CDH18: variants seen among roughly 807,000 people sequenced by gnomAD.
The protein encoded by CDH18 is cadherin 18.
CDH18 carries 31 observed loss-of-function variants against 67.9 expected under a neutral mutation model. That is an observed-to-expected ratio of 0.46 (90% CI 0.34 to 0.62). The LOEUF (loss-of-function observed/expected upper bound fraction) is 0.62, where lower values mean the gene tolerates loss of function less well. Ranked by LOEUF, CDH18 falls within the 20% of genes least tolerant of loss-of-function variation. The pLI is 0.01. For synonymous variants in CDH18, 362 were observed against 347.2 expected (o/e 1.04, Z -0.48); for missense variants, 890 against 975.5 (o/e 0.91, Z 1.17).
At chr5:19,554,224 C>T (rs965479844) in intron 8 of CDH18, among the ~76,000 whole-genome samples, 1 of 152,182 alleles carries the variant, frequency 6.6e-6, no homozygotes, top group Non-Finnish European at 1.5e-5. Flanking sequence ...TAAGCTAAAC[C>T]TCTGCACATG....
intron 1 of CDH18, among the ~76,000 whole-genome samples, chr5:20,378,946 C>G (rs1562016617): frequency 6.6e-6 from 1 of 151,998 alleles, no homozygotes; most frequent in African/African-American, 2.4e-5. Flanking sequence ...AATATTGACC[C>G]ACTAAGAACC....
At chr5:19,997,053 A>C (rs776831801) in intron 2 of CDH18, among the ~76,000 whole-genome samples, 1 of 152,098 alleles carries the variant, frequency 6.6e-6, no homozygotes, top group Admixed American at 6.5e-5. Flanking sequence ...TAAGCTATGT[A>C]AGGATAATGT....
chr5:19,544,036 T>A (rs1489263842), intron 8 of CDH18, 31 bp from the exon 9 acceptor site: 1 of 1,313,458 alleles, frequency 7.6e-7, no homozygotes, highest in South Asian at 1.4e-5. Context: ...TTTTACTTGA[T>A]GTTATAATGA....
At chr5:19,723,634 T>C (rs958054095) in intron 4 of CDH18, among the ~76,000 whole-genome samples, 8 of 152,202 alleles carry the variant, frequency 5.3e-5, no homozygotes, top group African/African-American at 1.4e-4. Flanking sequence ...AGAAATGTGA[T>C]TGTTTGGCAA....
intron 3 of CDH18, among the ~76,000 whole-genome samples, chr5:19,763,131 G>A (rs1240110141): frequency 1.3e-5 from 2 of 152,154 alleles, no homozygotes; most frequent in Non-Finnish European, 2.9e-5. Context: ...ATAGCATTAG[G>A]AGAAATACCT....
chr5:20,302,065 C>T lies in CDH18; in HGVS notation c.-579-46560G>A, dbSNP rs879229179. ...TAAGAAAAAAAAGGCCACTGGGATA[C>T]TTAGTATTTGTCCAGATGCAAAACA... is the stretch of plus-strand genomic sequence containing the variant. On this transcript the variant is annotated intron_variant, in intron 1 of 14. Coordinates refer to the CDH18 transcript ENST00000507958. 2.0e-5 allele frequency among the ~76,000 whole-genome samples: 3 copies of T among 152,230 alleles called. No individual in the cohort carries two copies. The South Asian group carries it at 6.2e-4, about 32-fold the overall frequency.
intron 1 of CDH18, chr5:20,305,047 C>T (rs1736299599): frequency 1.2e-6 from 2 of 1,606,476 alleles, no homozygotes; most frequent in South Asian, 1.1e-5. Flanking sequence ...CTGACTGTCC[C>T]CATTAGTTTT....
chr5:20,021,003 AAGGC>A (rs1738368783), intron 2 of CDH18, among the ~76,000 whole-genome samples: 1 of 151,470 alleles, frequency 6.6e-6, no homozygotes, highest in Non-Finnish European at 1.5e-5. Flanking sequence ...GAAGGTTCTC[AAGGC>A]CTTGGGACCC....
chr5:20,077,579 C>CT (rs1365843750), intron 2 of CDH18, among the ~76,000 whole-genome samples: 13 of 152,090 alleles, frequency 8.5e-5, no homozygotes, highest in African/African-American at 2.9e-4. Flanking sequence ...AATGATAAAC[C>CT]TTTTTTCCCA....
intron 1 of CDH18, among the ~76,000 whole-genome samples, chr5:20,267,234 C>T (rs531409468): frequency 6.6e-6 from 1 of 152,330 alleles, no homozygotes; most frequent in East Asian, 1.9e-4. Context: ...TCAAAGGTCA[C>T]TTAACTGGAA....
At chr5:19,798,346 T>A (rs549812027) in intron 3 of CDH18, among the ~76,000 whole-genome samples, 1 of 152,140 alleles carries the variant, frequency 6.6e-6, no homozygotes, top group Admixed American at 6.6e-5. Context: ...GTCTCCGTAT[T>A]ATATTTTACA....
chr5:20,152,479 T>C (rs1239989948), intron 2 of CDH18, among the ~76,000 whole-genome samples: 3 of 151,744 alleles, frequency 2.0e-5, no homozygotes, highest in African/African-American at 7.3e-5. Context: ...AGATTAAATA[T>C]CTCTCTTATG....
intron 1 of CDH18, among the ~76,000 whole-genome samples, chr5:20,542,031 A>C (rs1703063): frequency 0.45 from 68,855 of 151,876 alleles, 15,886 homozygotes; most frequent in East Asian, 0.57. Flanking sequence ...CTGCAACCTC[A>C]GCCTCCCAGG....
chr5:20,449,920 A>G (rs1750300906), intron 1 of CDH18, among the ~76,000 whole-genome samples: 1 of 152,224 alleles, frequency 6.6e-6, no homozygotes, highest in Middle Eastern at 3.4e-3. Context: ...TATTCCATTT[A>G]CTTATGAAGT....
intron 2 of CDH18, among the ~76,000 whole-genome samples, chr5:20,017,366 T>G (rs998719243): frequency 2.6e-5 from 4 of 152,180 alleles, no homozygotes; most frequent in African/African-American, 9.7e-5. Context: ...TTATTTTTGT[T>G]AAATATCTGG....
chr5:19,604,544 C>CACAT (rs1439742325), intron 6 of CDH18, among the ~76,000 whole-genome samples: 4 of 145,516 alleles, frequency 2.7e-5, no homozygotes, highest in African/African-American at 1.0e-4. Flanking sequence ...CACACACACA[C>CACAT]ACACACACAC....
At chr5:20,061,053 G>C (rs1742440564) in intron 2 of CDH18, among the ~76,000 whole-genome samples, 1 of 151,794 alleles carries the variant, frequency 6.6e-6, no homozygotes, top group South Asian at 2.1e-4. Context: ...AAATAATTCT[G>C]AGAAATATAC....
In CDH18 at chr5:20,149,726, C is replaced by T. The variant is rs563582426; in HGVS notation, c.-518+105718G>A. Among the ~76,000 whole-genome samples the T allele has an allele frequency of 2.0e-5, 3 of 152,192 alleles. No homozygotes were observed. The East Asian group carries it at 5.8e-4, about 29-fold the overall frequency. On this transcript the variant is annotated intron_variant, in intron 2 of 14. Transcript: ENST00000507958. ...GAAATTTGAAGGCTTAATCTTTGTA[C>T]TTTAAAAAGTCTATTCTGCAAACTT...
At chr5:20,439,252 C>A (rs1749418642) in intron 1 of CDH18, among the ~76,000 whole-genome samples, 1 of 151,636 alleles carries the variant, frequency 6.6e-6, no homozygotes, top group Non-Finnish European at 1.5e-5. Context: ...CACAACATAT[C>A]TGGACTTCAC....
Sources: gnomAD v4.1 joint callset for allele counts (sites outside exome capture counted in the v4.1 genomes callset) on GRCh38, gnomAD v4.1.1 for gene constraint, MANE v1.5 for transcripts, NCBI Gene and HGNC (gene_info 2026-07-23, HGNC 2026-07-21) for gene names.